AIG1: variants seen among roughly 807,000 people sequenced by gnomAD.
AIG1 encodes the protein androgen-induced gene 1 protein.
Under a neutral mutation model 31.4 loss-of-function variants are expected in AIG1, and 23 were observed. That is an observed-to-expected ratio of 0.73 (90% confidence interval 0.53 to 1.04). The LOEUF is 1.04. Among genes scored for constraint, AIG1 ranks in the 50% least tolerant of loss-of-function variants. The pLI, the probability that AIG1 is intolerant of heterozygous loss-of-function variation, is 0.00. For missense variants in AIG1, 274 were observed against 295.0 expected (o/e 0.93, Z 0.52); for synonymous variants, 100 against 110.5 (o/e 0.90, Z 0.60).
chr6:143,084,570 C>T (rs924667438), intron 1 of AIG1, among the ~76,000 whole-genome samples: 4 of 152,160 alleles, frequency 2.6e-5, no homozygotes, highest in Non-Finnish European at 5.9e-5. Context: ...CTAAGCTTTG[C>T]TCCAGGCCTA....
chr6:143,066,065 A>G (rs1001132163), intron 1 of AIG1, among the ~76,000 whole-genome samples: 3 of 152,172 alleles, frequency 2.0e-5, no homozygotes, highest in African/African-American at 7.2e-5. Context: ...GACCAGCAGG[A>G]TCAACTTTGT....
intron 2 of AIG1, among the ~76,000 whole-genome samples, chr6:143,139,520 A>ATT (rs11402192): frequency 7.4e-5 from 11 of 148,402 alleles, no homozygotes; most frequent in African/African-American, 2.7e-4. Context: ...TTTTTAACTC[A>ATT]TTTTTTTTTT....
chr6:143,302,470 C>T (rs981033145), intron 4 of AIG1, among the ~76,000 whole-genome samples: 10 of 151,204 alleles, frequency 6.6e-5, no homozygotes, highest in African/African-American at 1.2e-4. Flanking sequence ...TGAGAATATG[C>T]GGTGTTTGGT....
intron 1 of AIG1, among the ~76,000 whole-genome samples, chr6:143,077,716 C>T (rs1777861856): frequency 1.3e-5 from 2 of 152,174 alleles, no homozygotes; most frequent in African/African-American, 2.4e-5. Flanking sequence ...CTTGAATCTC[C>T]AATTATGTCT....
intron 1 of AIG1, among the ~76,000 whole-genome samples, chr6:143,128,521 C>A (rs1189752082): frequency 6.6e-6 from 1 of 152,180 alleles, no homozygotes; most frequent in African/African-American, 2.4e-5. Context: ...CTGCTAAGAA[C>A]CCAAAGCCAG....
At chr6:143,289,738 A>G (rs1250217636) in intron 4 of AIG1, among the ~76,000 whole-genome samples, 2 of 152,128 alleles carry the variant, frequency 1.3e-5, no homozygotes, top group South Asian at 2.1e-4. Context: ...TACATACAGT[A>G]TTTGTAAGCC....
chr6:143,341,589 T>C (rs1407121249), downstream of AIG1, among the ~76,000 whole-genome samples: 1 of 152,110 alleles, frequency 6.6e-6, no homozygotes, highest in Non-Finnish European at 1.5e-5. Context: ...GGAAAGACCA[T>C]GTGAGGGCAT....
rs1025933127 is a variant in AIG1 at position 143,293,790 on chromosome 6, C to T, written c.515+9565C>T. Among the ~76,000 whole-genome samples the T allele has an allele frequency of 3.3e-5, 5 of 152,120 alleles. No individual in the cohort carries two copies. The highest frequency in any genetic ancestry group is 6.5e-5 in the Admixed American group (1 of 15,276). On this transcript the variant is annotated intron_variant, in intron 4 of 5. Transcript: ENST00000357847. This position sits in a 1 kb window ranked among gnomAD's most constrained non-coding sequence, Gnocchi z 4.8. ...TGATCCTTCCCCCACTCCCCAGCTTCCCTACAGCCATGCCTACACCACTGC... is the reference window on the plus strand; with the variant it reads ...TGATCCTTCCCCCACTCCCCAGCTTTCCTACAGCCATGCCTACACCACTGC...
intron 3 of AIG1, among the ~76,000 whole-genome samples, chr6:143,199,394 C>G (rs529830708): frequency 6.6e-6 from 1 of 151,890 alleles, no homozygotes; most frequent in Non-Finnish European, 1.5e-5. Context: ...GAAATTAAAT[C>G]GGGAAAAATG....
In AIG1 at chr6:143,328,507, T is replaced by G. The variant is rs1377993751; in HGVS notation, c.516-4775T>G. On this transcript the variant is annotated intron_variant, in intron 4 of 5. Transcript: ENST00000357847. The surrounding 1 kb of genome is among the most constrained non-coding windows in gnomAD (Gnocchi z 4.0). ...ACCCATGGCACGCCTACACTTACCCTTTCTTAATTCTGACTACACTTGTAA... is the reference window on the plus strand; with the variant it reads ...ACCCATGGCACGCCTACACTTACCCGTTCTTAATTCTGACTACACTTGTAA... Among the ~76,000 whole-genome samples the G allele has an allele frequency of 6.6e-6, 1 of 152,224 alleles. No individual in the cohort carries two copies. The highest frequency in any genetic ancestry group is 1.5e-5 in the Non-Finnish European group (1 of 68,028).
intron 4 of AIG1, among the ~76,000 whole-genome samples, chr6:143,304,484 CAT>C (rs1799096504): frequency 6.6e-6 from 1 of 152,094 alleles, no homozygotes; most frequent in African/African-American, 2.4e-5. Context: ...TTGAGATAAT[CAT>C]GTGGTTTTTG....
chr6:143,174,144 C>G (rs1184847996), intron 3 of AIG1, among the ~76,000 whole-genome samples: 1 of 152,108 alleles, frequency 6.6e-6, no homozygotes, highest in Non-Finnish European at 1.5e-5. Context: ...TATAATTTCC[C>G]TCTTTAAAGC....
intron 4 of AIG1, among the ~76,000 whole-genome samples, chr6:143,318,357 A>G (rs535894301): frequency 1.2e-4 from 18 of 152,186 alleles, no homozygotes; most frequent in Non-Finnish European, 2.6e-4. Flanking sequence ...TCTTCGATAA[A>G]GCAAACAAAA....
intron 2 of AIG1, among the ~76,000 whole-genome samples, chr6:143,141,495 A>T (rs1396532995): frequency 6.6e-6 from 1 of 152,230 alleles, no homozygotes; most frequent in Non-Finnish European, 1.5e-5. Flanking sequence ...GGAAAGTTTT[A>T]TTTCAGCATA....
chr6:143,272,689 A>G (rs1350731208), intron 3 of AIG1, among the ~76,000 whole-genome samples: 1 of 152,266 alleles, frequency 6.6e-6, no homozygotes, highest in African/African-American at 2.4e-5. Flanking sequence ...GAAGATGAAC[A>G]AAGACGTGAA....
intron 1 of AIG1, among the ~76,000 whole-genome samples, chr6:143,132,426 T>C (rs1292500740): frequency 6.6e-6 from 1 of 152,156 alleles, no homozygotes; most frequent in Non-Finnish European, 1.5e-5. Flanking sequence ...TTGGATCGTT[T>C]TACACAAGAA....
intron 1 of AIG1, among the ~76,000 whole-genome samples, chr6:143,113,228 G>T (rs111855287): frequency 0.015 from 2,287 of 151,618 alleles, 59 homozygotes; most frequent in African/African-American, 0.052. Flanking sequence ...AGAGAAAAAA[G>T]GCGTTTGCCT....
At chr6:143,145,322 C>G (rs1486939641) in intron 2 of AIG1, among the ~76,000 whole-genome samples, 1 of 152,154 alleles carries the variant, frequency 6.6e-6, no homozygotes, top group Non-Finnish European at 1.5e-5. Flanking sequence ...CCATGCCCAG[C>G]CAGTATTTTC....
chr6:143,110,649 T>G lies in AIG1; in HGVS notation c.142-26186T>G, dbSNP rs79533987. 2.8e-3 allele frequency among the ~76,000 whole-genome samples: 431 copies of G among 152,284 alleles called. 3 individuals are homozygous for G. The highest frequency in any genetic ancestry group is 9.9e-3 in the African/African-American group (411 of 41,552). On this transcript the variant is annotated intron_variant, in intron 1 of 5. Coordinates refer to ENST00000357847, the MANE Select transcript of AIG1 (RefSeq NM_016108.4). ...CATTATAGAGGAACTATTTTGAAGC[T>G]GAAGAGAGGAAGTGCCCTTGAACCT...
Sources: allele counts gnomAD v4.1 joint callset (sites outside exome capture counted in the v4.1 genomes callset), GRCh38; gene constraint gnomAD v4.1.1; non-coding constraint Gnocchi (gnomAD v3.1); transcripts MANE v1.5; gene names NCBI Gene and HGNC (gene_info 2026-07-23, HGNC 2026-07-21).